STK32B: variants seen among roughly 807,000 people sequenced by gnomAD.
STK32B encodes serine/threonine-protein kinase 32B.
In STK32B, 43 loss-of-function variants were observed where a neutral mutation model predicts 52.6. That is an observed-to-expected ratio of 0.82 (90% CI 0.64 to 1.05). The LOEUF is 1.05. Among genes scored for constraint, STK32B ranks in the 50% least tolerant of loss-of-function variants. The probability of loss-of-function intolerance (pLI) is 0.00; values close to 1 mark genes in which losing one functional copy is unlikely to be tolerated. For missense variants in STK32B, 621 were observed against 534.6 expected, an observed-to-expected ratio of 1.16 and a Z score of -1.59; for synonymous variants, 238 against 204.3, an observed-to-expected ratio of 1.17 and a Z score of -1.41.
intron 3 of STK32B, among the ~76,000 whole-genome samples, chr4:5,267,481 T>C (rs1315450641): frequency 6.6e-6 from 1 of 152,132 alleles, no homozygotes; most frequent in Non-Finnish European, 1.5e-5. Context: ...ATTATCAATC[T>C]GAGTAACAAC....
intron 7 of STK32B, among the ~76,000 whole-genome samples, chr4:5,454,092 C>A (rs150403476): frequency 9.2e-4 from 140 of 152,260 alleles, no homozygotes; most frequent in Middle Eastern, 3.4e-3. Flanking sequence ...TATTGCCCAT[C>A]TCTCTCCAAG....
chr4:5,022,289 G>T, the STK32B span, among the ~76,000 whole-genome samples: 1 of 152,160 alleles, frequency 6.6e-6, no homozygotes, highest in Non-Finnish European at 1.5e-5. Context: ...GACCAGTAAG[G>T]TGTGGCTGAA....
At chr4:5,337,675 G>C (rs777481759) in intron 4 of STK32B, among the ~76,000 whole-genome samples, 6 of 151,814 alleles carry the variant, frequency 4.0e-5, no homozygotes, top group Non-Finnish European at 5.9e-5. Context: ...TATTTAGCTG[G>C]TAAAGAATCT....
intron 3 of STK32B, among the ~76,000 whole-genome samples, chr4:5,306,927 C>G (rs1729962228): frequency 6.6e-6 from 1 of 152,072 alleles, no homozygotes; most frequent in Non-Finnish European, 1.5e-5. Flanking sequence ...AAATTCTTGG[C>G]TGAAAACTGT....
intron 4 of STK32B, among the ~76,000 whole-genome samples, chr4:5,360,492 C>G (rs1164571912): frequency 1.3e-5 from 2 of 152,096 alleles, no homozygotes; most frequent in Non-Finnish European, 1.5e-5. Context: ...GTAGAATAGA[C>G]CGTGTGTGCG....
intron 3 of STK32B, among the ~76,000 whole-genome samples, chr4:5,177,731 CAG>C (rs1254572785): frequency 2.0e-5 from 3 of 152,178 alleles, no homozygotes; most frequent in African/African-American, 4.8e-5. Context: ...TTGGCCAAAA[CAG>C]GGGGGCTACA....
chr4:5,023,376 C>G, the STK32B span, among the ~76,000 whole-genome samples: 1 of 152,182 alleles, frequency 6.6e-6, no homozygotes, highest in African/African-American at 2.4e-5. Flanking sequence ...GCTGCTTATC[C>G]TTCCTTTACA....
intron 4 of STK32B, among the ~76,000 whole-genome samples, chr4:5,376,742 A>C (rs11735517): frequency 1.3e-3 from 203 of 151,726 alleles, no homozygotes; most frequent in African/African-American, 4.6e-3. Flanking sequence ...TCCACCCCGC[A>C]CTCTCCAATG....
rs879367650 is a variant in STK32B, at chr4:5,475,697, CA to C, written c.1106+7639del. On this transcript the variant is annotated intron_variant, in intron 11 of 11. Transcript: ENST00000282908. ...TGGGCAACAGAGCAATACTCCGTTC[CA>C]AAAAAAAAAAAGTGTGACCGATTCT... 2.9e-3 allele frequency among the ~76,000 whole-genome samples: 325 copies of C among 112,016 alleles called. 2 individuals are homozygous for C. Among genetic ancestry groups the C allele is most frequent in the Middle Eastern group, 0.025 (5 of 198 alleles). The allele number at this position is 112,016 out of a possible 152,430, so 73.5% of individuals were successfully genotyped here. A position where few individuals can be genotyped will look rare whatever the true frequency, so the allele number is the denominator to read the frequency against.
chr4:5,190,193 A>G (rs1347847898), intron 3 of STK32B, among the ~76,000 whole-genome samples: 1 of 152,146 alleles, frequency 6.6e-6, no homozygotes, highest in Non-Finnish European at 1.5e-5. Context: ...CATACCTCTG[A>G]TTCAGGGTAA....
At chr4:5,328,365 T>C (rs1732012405) in intron 3 of STK32B, among the ~76,000 whole-genome samples, 1 of 152,226 alleles carries the variant, frequency 6.6e-6, no homozygotes, top group African/African-American at 2.4e-5. Context: ...GGCTTAATCA[T>C]TTCTAGTACT....
At chr4:5,143,135 CT>C (rs1453049973) in intron 2 of STK32B, among the ~76,000 whole-genome samples, 2,241 of 150,342 alleles carry the variant, frequency 0.015, 31 homozygotes, top group East Asian at 0.051. Context: ...GTCTGTCTAT[CT>C]GTCTGTCTAT....
Position 5,063,153 on chromosome 4 carries a change from T to G in STK32B, c.52+11238T>G, listed in dbSNP as rs73089615. ...TCATAGCACAGGTGTGTGTCCAAAT[T>G]TCATAAGATGATGGCAAATTGTTTA... On this transcript the variant is annotated intron_variant, in intron 1 of 11. Coordinates refer to ENST00000282908, the MANE Select transcript of STK32B (RefSeq NM_018401.3). Among the ~76,000 whole-genome samples the G allele has an allele frequency of 4.5e-3, 680 of 152,256 alleles. 7 individuals carry two copies. The highest frequency in any genetic ancestry group is 0.015 in the African/African-American group (629 of 41,564).
chr4:5,266,431 A>G (rs977490485), intron 3 of STK32B, among the ~76,000 whole-genome samples: 3 of 152,200 alleles, frequency 2.0e-5, no homozygotes, highest in African/African-American at 7.2e-5. Context: ...AAAACAGTAT[A>G]CAAAGATCTT....
rs185987423 is a variant in STK32B at position 5,486,627 on chromosome 4, C to A, written c.1107-12318C>A. Among the ~76,000 whole-genome samples, 17 of 152,352 alleles carry A rather than the reference C, an allele frequency of 1.1e-4. 1 individual carries two copies. The highest frequency in any genetic ancestry group is 3.9e-4 in the Admixed American group (6 of 15,308). The stretch of plus-strand genomic sequence containing the variant: ...GTCCAACACTCCCCAGTGAGATGAA[C>A]CTGGTACCTCAGTTGGAAATGCAGA... On this transcript the variant is annotated intron_variant, in intron 11 of 11. Coordinates refer to ENST00000282908, the MANE Select transcript of STK32B (RefSeq NM_018401.3).
At chr4:5,237,805 A>G (rs910081767) in intron 3 of STK32B, among the ~76,000 whole-genome samples, 4 of 152,178 alleles carry the variant, frequency 2.6e-5, no homozygotes, top group Non-Finnish European at 5.9e-5. Context: ...GCCAGGTGTC[A>G]TGTGTGAGAA....
intron 3 of STK32B, among the ~76,000 whole-genome samples, chr4:5,184,571 C>G (rs1720595577): frequency 6.6e-6 from 1 of 151,248 alleles, no homozygotes; most frequent in African/African-American, 2.4e-5. Context: ...GCCTGTAATC[C>G]CAGCTACTTG....
intron 4 of STK32B, among the ~76,000 whole-genome samples, chr4:5,335,037 G>C (rs986448481): frequency 6.6e-6 from 1 of 151,628 alleles, no homozygotes; most frequent in African/African-American, 2.4e-5. Context: ...GATTGGAATA[G>C]TTTCAGAAGG....
intron 1 of STK32B, among the ~76,000 whole-genome samples, chr4:5,102,661 A>G (rs962855010): frequency 6.6e-6 from 1 of 151,288 alleles, no homozygotes. Flanking sequence ...CCTCCCAAGT[A>G]GCTGAGATTA....
Sources: gnomAD v4.1 joint callset for allele counts (sites outside exome capture counted in the v4.1 genomes callset) on GRCh38, gnomAD v4.1.1 for gene constraint, MANE v1.5 for transcripts, NCBI Gene and HGNC (gene_info 2026-07-23, HGNC 2026-07-21) for gene names.